Variants in NTNG1 observed in about 807,000 individuals in gnomAD.
NTNG1 encodes the protein netrin G1.
NTNG1 carries 16 observed loss-of-function variants against 54.0 expected under a neutral mutation model. That is an observed-to-expected ratio of 0.30 (90% CI 0.20 to 0.45). The LOEUF (loss-of-function observed/expected upper bound fraction) is 0.45. Among genes scored for constraint, NTNG1 ranks in the 20% least tolerant of loss-of-function variants. The pLI is 1.00. For synonymous variants in NTNG1, 255 were observed against 263.1 expected (o/e 0.97, Z 0.30); for missense variants, 530 against 678.7 (o/e 0.78, Z 2.43).
intron 2 of NTNG1, among the ~76,000 whole-genome samples, chr1:107,314,397 CAATAAATAAATA>C (rs149611674): frequency 0.97 from 145,776 of 150,822 alleles, 70,551 homozygotes; most frequent in East Asian, 1. Context: ...GAATCCGTCT[CAATAAATAAATA>C]AATAAATAAA....
chr1:107,297,041 A>G (rs926313740), intron 2 of NTNG1, among the ~76,000 whole-genome samples: 15 of 148,774 alleles, frequency 1.0e-4, no homozygotes, highest in African/African-American at 3.7e-4. Context: ...AGCCCAGTGG[A>G]GCAAGTACTA....
At chr1:107,277,705 G>A (rs898736142) in intron 2 of NTNG1, among the ~76,000 whole-genome samples, 5 of 152,150 alleles carry the variant, frequency 3.3e-5, no homozygotes, top group East Asian at 1.9e-4. Context: ...GTTTAAATTC[G>A]AATGGCTTCC....
At chr1:107,236,070 A>G (rs994917644) in intron 2 of NTNG1, among the ~76,000 whole-genome samples, 1 of 152,140 alleles carries the variant, frequency 6.6e-6, no homozygotes, top group African/African-American at 2.4e-5. Flanking sequence ...ACATGTGTGC[A>G]CACACACACA....
intron 3 of NTNG1, among the ~76,000 whole-genome samples, chr1:107,328,166 C>T (rs536678296): frequency 2.6e-5 from 4 of 152,216 alleles, no homozygotes; most frequent in South Asian, 2.1e-4. Context: ...TCAGCAGCTC[C>T]GTAGTACTTA....
Position 107,407,746 on chromosome 1 carries a change from G to C in NTNG1, c.1087+38G>C, listed in dbSNP as rs1295576193. ...AAAAACAAAAAAAACACCAAACCAA[G>C]TCTAGGCTAGCTTTGCTTTGTTGTT... On this transcript the variant is annotated intron_variant, in intron 5 of 7. Transcript: ENST00000370068. 10 of 1,562,516 alleles carry C rather than the reference G, an allele frequency of 6.4e-6. No homozygotes were observed. The Admixed American group carries it at 1.5e-4, about 24-fold the overall frequency.
intron 3 of NTNG1, among the ~76,000 whole-genome samples, chr1:107,374,971 A>T (rs1671139006): frequency 6.6e-6 from 1 of 152,182 alleles, no homozygotes; most frequent in South Asian, 2.1e-4. Context: ...TATCTACTCA[A>T]TGCCCTGTGA....
chr1:107,161,380 G>T (rs180807001), intron 2 of NTNG1, among the ~76,000 whole-genome samples: 22 of 152,206 alleles, frequency 1.4e-4, no homozygotes, highest in Admixed American at 7.9e-4. Context: ...CAACTTATAG[G>T]CCGGGTGTGG....
intron 7 of NTNG1, among the ~76,000 whole-genome samples, chr1:107,459,525 TG>T (rs1677151061): frequency 1.3e-5 from 2 of 152,212 alleles, no homozygotes; most frequent in African/African-American, 2.4e-5. Context: ...AATAAAAAGT[TG>T]CCAAAAGAAA....
intron 2 of NTNG1, among the ~76,000 whole-genome samples, chr1:107,283,701 T>G (rs906535346): frequency 1.3e-5 from 2 of 152,172 alleles, no homozygotes; most frequent in Admixed American, 1.3e-4. Flanking sequence ...ACTGTTGCCA[T>G]GTTAGCTTCT....
intron 2 of NTNG1, among the ~76,000 whole-genome samples, chr1:107,271,615 C>G (rs1038714612): frequency 6.6e-6 from 1 of 151,862 alleles, no homozygotes; most frequent in East Asian, 1.9e-4. Flanking sequence ...CTATTGTAAC[C>G]TTTAGTTTGC....
intron 2 of NTNG1, among the ~76,000 whole-genome samples, chr1:107,268,359 A>G (rs1033645617): frequency 6.6e-6 from 1 of 152,190 alleles, no homozygotes; most frequent in Non-Finnish European, 1.5e-5. Flanking sequence ...ACCGGTTCCA[A>G]GGGTGAGATC....
intron 4 of NTNG1, among the ~76,000 whole-genome samples, chr1:107,397,356 G>C (rs1192562466): frequency 1.3e-5 from 2 of 152,146 alleles, no homozygotes; most frequent in Non-Finnish European, 2.9e-5. Flanking sequence ...CTTGCAATGG[G>C]AATAACCCCT....
chr1:107,382,506 G>T (rs1175439710), intron 3 of NTNG1, among the ~76,000 whole-genome samples: 2 of 152,218 alleles, frequency 1.3e-5, no homozygotes, highest in African/African-American at 4.8e-5. Flanking sequence ...CAGAAAGATT[G>T]CAGGCATTGA....
chr1:107,191,748 C>T (rs1199063774), intron 2 of NTNG1, among the ~76,000 whole-genome samples: 20 of 150,942 alleles, frequency 1.3e-4, no homozygotes, highest in Non-Finnish European at 2.5e-4. Flanking sequence ...AGATATGTGG[C>T]GTTATTTCTG....
chr1:107,220,960 CTTATTATCAATGGATA>C, intron 2 of NTNG1, among the ~76,000 whole-genome samples: 1 of 152,022 alleles, frequency 6.6e-6, no homozygotes, highest in East Asian at 1.9e-4. Flanking sequence ...AACTTTTCCA[CTTATTATCAATGGATA>C]TTATTATCAA....
chr1:107,271,191 T>C (rs900326853), intron 2 of NTNG1, among the ~76,000 whole-genome samples: 32 of 152,208 alleles, frequency 2.1e-4, no homozygotes, highest in African/African-American at 7.5e-4. Context: ...TTAATTGATA[T>C]TGTAAGAATT....
chr1:107,362,982 C>G (rs1420348600), intron 3 of NTNG1, among the ~76,000 whole-genome samples: 1 of 152,114 alleles, frequency 6.6e-6, no homozygotes, highest in Non-Finnish European at 1.5e-5. Context: ...ATGGCTTTTC[C>G]ATGGCTGGCT....
rs117103731 is a variant in NTNG1 at position 107,478,244 on chromosome 1, A to G, written c.1391-2367A>G. On this transcript the variant is annotated intron_variant, in intron 7 of 7. Coordinates refer to ENST00000370068, the MANE Select transcript of NTNG1 (RefSeq NM_001113226.3). Reference sequence around the variant, plus strand: ...GTTGGAGGACTAACACAATCAAGAGACCAAATGTAATATGTTTTATAGTGA... The same window carrying G: ...GTTGGAGGACTAACACAATCAAGAGGCCAAATGTAATATGTTTTATAGTGA... Among the ~76,000 whole-genome samples the G allele has an allele frequency of 0.01, 1,590 of 152,260 alleles. 49 individuals are homozygous for G. In the East Asian group the frequency reaches 0.11, roughly 11 times the overall value.
chr1:107,209,093 C>CT (rs1479039283), intron 2 of NTNG1, among the ~76,000 whole-genome samples: 2 of 151,588 alleles, frequency 1.3e-5, no homozygotes, highest in Admixed American at 6.6e-5. Flanking sequence ...TTCTGCTTGC[C>CT]TTTTTTTTCT....
Sources: allele counts gnomAD v4.1 joint callset (sites outside exome capture counted in the v4.1 genomes callset), GRCh38; gene constraint gnomAD v4.1.1; transcripts MANE v1.5; gene names NCBI Gene and HGNC (gene_info 2026-07-23, HGNC 2026-07-21).